The following C4orf54 variants were observed in gnomAD, a reference collection of about 807,000 sequenced individuals.
The protein encoded by C4orf54 is uncharacterized protein C4orf54.
Under a neutral mutation model 80.1 loss-of-function variants are expected in C4orf54, and 67 were observed. The observed-to-expected ratio is 0.84, with a 90% CI of 0.69 to 1.03. The LOEUF is 1.03. Ranked by LOEUF, C4orf54 falls within the 50% of genes least tolerant of loss-of-function variation. C4orf54 has a pLI of 0.00. For missense variants in C4orf54, 2,434 were observed against 2,253.5 expected (o/e 1.08, Z -1.62); for synonymous variants, 1,000 against 917.0 (o/e 1.09, Z -1.64).
rs78351985 is a variant in C4orf54 at position 99,655,532 on chromosome 4, A to G, written c.-31-853T>C. On this transcript the variant is annotated intron_variant, in intron 1 of 2. Coordinates refer to ENST00000511828, the MANE Select transcript of C4orf54 (RefSeq NM_001354435.2). ...AAATACACTTACCCTTCAAGAGTACAGTGCGGCTTGGAGGGAGATTCAGAG... is the reference window on the plus strand; with the variant it reads ...AAATACACTTACCCTTCAAGAGTACGGTGCGGCTTGGAGGGAGATTCAGAG... Among the ~76,000 whole-genome samples the G allele has an allele frequency of 7.1e-4, 108 of 152,364 alleles. 2 individuals carry two copies. In the East Asian group the frequency reaches 0.02, roughly 29 times the overall value.
At chr4:99,642,942 C>G (rs761310368) in intron 2 of C4orf54, among the ~76,000 whole-genome samples, 4 of 152,190 alleles carry the variant, frequency 2.6e-5, no homozygotes, top group Non-Finnish European at 5.9e-5. Flanking sequence ...ACTAGAGTAC[C>G]CTGACACACA....
chr4:99,655,263 A>T (rs1560642741), intron 1 of C4orf54, among the ~76,000 whole-genome samples: 1 of 152,208 alleles, frequency 6.6e-6, no homozygotes, highest in African/African-American at 2.4e-5. Context: ...CAAAGACCTA[A>T]ACTTAACACT....
At position 99,638,166 on chromosome 4, in the gene C4orf54, TATA is replaced by T. The variant is rs1457996978; in HGVS notation, c.*3064_*3066del. The T allele has an allele frequency of 6.6e-6, 1 of 152,158 alleles. No homozygotes were observed. Among genetic ancestry groups the T allele is most frequent in the Non-Finnish European group, 1.5e-5 (1 of 68,004 alleles). The allele number at this position is 152,158 out of a possible 1,614,324, so 9.4% of individuals were successfully genotyped here. On this transcript the variant is annotated 3_prime_UTR_variant, in exon 3 of 3. Transcript: ENST00000511828. Reference sequence around the variant, plus strand: ...ATGCATGTCAATAGTTGAGATTTGTTATAAAGATATAAAGTGTGATTTGCTTTA... The same window carrying T: ...ATGCATGTCAATAGTTGAGATTTGTTAAGATATAAAGTGTGATTTGCTTTA...
At chr4:99,643,407 C>G (rs1726637488) in intron 2 of C4orf54, among the ~76,000 whole-genome samples, 1 of 152,074 alleles carries the variant, frequency 6.6e-6, no homozygotes, top group Non-Finnish European at 1.5e-5. Flanking sequence ...GACTTCAAGG[C>G]ACACGTACTT....
Position 99,653,390 on chromosome 4 carries a change from G to C in C4orf54, c.1259C>G (p.Thr420Ser). 6.5e-7 allele frequency: 1 copy of C among 1,536,298 alleles called. No individual in the cohort carries two copies. Among genetic ancestry groups the C allele is most frequent in the Non-Finnish European group, 8.7e-7 (1 of 1,146,900 alleles). ...GGSDETPGDI[T>S]SLTEEDDDNS... Reference sequence around the variant, plus strand: ...GTCGTCGTCCTCTTCGGTCAGACTGGTGATGTCCCCTGGGGTCTCGTCGCT... The same window carrying C: ...GTCGTCGTCCTCTTCGGTCAGACTGCTGATGTCCCCTGGGGTCTCGTCGCT... The change falls in exon 2 of 3, where the codon ACC becomes AGC. Residue 420 changes from threonine to serine, a missense_variant. Thr to Ser is a moderately conservative substitution (Grantham distance 58). Coordinates refer to ENST00000511828, the MANE Select transcript of C4orf54 (RefSeq NM_001354435.2).
chr4:99,641,481 A>G (rs959232162), intron 2 of C4orf54, among the ~76,000 whole-genome samples: 6 of 152,164 alleles, frequency 3.9e-5, no homozygotes, highest in Non-Finnish European at 8.8e-5. Context: ...GTTCCGTTTC[A>G]TTGAAATCAT....
rs1560636649 is a variant in C4orf54, at chr4:99,649,279, T to C, written c.5370A>G (p.Val1790=). The change falls in exon 2 of 3, where the codon GTA becomes GTG. Residue 1790 remains valine, a synonymous_variant. Coordinates refer to ENST00000511828, the MANE Select transcript of C4orf54 (RefSeq NM_001354435.2). ...SFDGTTMSFV[V]EHR is the part of the protein sequence containing the mutation. ...TGGTGGCTGCTCATCATCTGTGTTCTACCACAAAGCTCATGGTGGTGCCAT... is the reference window on the plus strand; with the variant it reads ...TGGTGGCTGCTCATCATCTGTGTTCCACCACAAAGCTCATGGTGGTGCCAT... The C allele has an allele frequency of 1.3e-6, 2 of 1,521,224 alleles. No homozygotes were observed. Among genetic ancestry groups the C allele is most frequent in the Non-Finnish European group, 1.8e-6 (2 of 1,137,524 alleles). The allele number at this position is 1,521,224 out of a possible 1,614,324, so 94.2% of individuals were successfully genotyped here. A position where few individuals can be genotyped will look rare whatever the true frequency, so the allele number is the denominator to read the frequency against.
chr4:99,643,792 A>ACACACACACACACACACCCC (rs61130907), intron 2 of C4orf54, among the ~76,000 whole-genome samples: 18 of 98,886 alleles, frequency 1.8e-4, no homozygotes, highest in Admixed American at 1.4e-3. Flanking sequence ...ACACACACAC[A>ACACACACACACACACACCCC]CCCCCTCCGC....
Position 99,637,918 on chromosome 4 carries a change from A to G in C4orf54, c.*3315T>C, listed in dbSNP as rs372997064. ...ACATACTTATCATGAGATTATAGTC[A>G]ATCTACTTAGGAATCAATACTGTCC... On this transcript the variant is annotated 3_prime_UTR_variant, in exon 3 of 3. Transcript: ENST00000511828. 11 of 152,174 alleles carry G rather than the reference A, an allele frequency of 7.2e-5. No homozygotes were observed. The highest frequency in any genetic ancestry group is 1.9e-4 in the African/African-American group (8 of 41,458). 9.4% of individuals were successfully genotyped at this position (152,174 alleles called of 1,614,324 possible). A position where few individuals can be genotyped will look rare whatever the true frequency, so the allele number is the denominator to read the frequency against.
At position 99,650,590 on chromosome 4, in the gene C4orf54, A is replaced by G. The variant is rs72908746; in HGVS notation, c.4059T>C (p.Ser1353=). ...GGTTCTCAAAGGCCGCTGCCCTGGC[A>G]GACACACTCTCAGCGCTGGGGTTGG... ...RNSNPSAESV[S]ARAAAFENLA... The change falls in exon 2 of 3, where the codon TCT becomes TCC. Residue 1353 remains serine (S), a synonymous_variant. Transcript: ENST00000511828. The G allele has an allele frequency of 3.8e-3, 5,804 of 1,536,046 alleles. 134 individuals are homozygous for G. In the African/African-American group the frequency reaches 0.059, roughly 16 times the overall value.
Position 99,652,729 on chromosome 4 carries a change from C to G in C4orf54, c.1920G>C (p.Glu640Asp). Residue 640 changes from glutamate to aspartate, a missense_variant, in exon 2 of 3, where the codon GAG (glutamate) becomes GAC (aspartate). Transcript: ENST00000511828. The part of the protein sequence containing the change: ...AFRSLAYPYF[E>D]ALNISSRESS... ...ACTCCCGGGAGCTGATGTTCAGAGC[C>G]TCAAAGTAGGGGTAAGCCAGGCTCC... 2.0e-6 allele frequency: 3 copies of G among 1,536,096 alleles called. No individual in the cohort carries two copies. Among genetic ancestry groups the G allele is most frequent in the Non-Finnish European group, 1.7e-6 (2 of 1,146,888 alleles).
At chr4:99,646,143 A>G (rs929507336) in intron 2 of C4orf54, among the ~76,000 whole-genome samples, 2 of 152,182 alleles carry the variant, frequency 1.3e-5, no homozygotes, top group Admixed American at 1.3e-4. Flanking sequence ...ATTGCAATGT[A>G]GTGCTAAAAA....
Position 99,649,423 on chromosome 4 carries a change from G to A in C4orf54, c.5226C>T (p.Ala1742=). ...GQSPASSTSS[A]PAATSQLLGA... ...CTAGGAGCTGGGATGTGGCTGCTGGGGCTGAGGAGGTTGAGGAGGCCGGAG... is the reference window on the plus strand; with the variant it reads ...CTAGGAGCTGGGATGTGGCTGCTGGAGCTGAGGAGGTTGAGGAGGCCGGAG... The change falls in exon 2 of 3, where the codon GCC becomes GCT. Residue 1742 remains alanine (A), a synonymous_variant. Coordinates refer to ENST00000511828, the MANE Select transcript of C4orf54 (RefSeq NM_001354435.2). 14 of 1,536,150 alleles carry A rather than the reference G, an allele frequency of 9.1e-6. No individual in the cohort carries two copies. Among genetic ancestry groups the A allele is most frequent in the Non-Finnish European group, 1.2e-5 (14 of 1,146,912 alleles).
intron 1 of C4orf54, 57 bp from the exon 2 acceptor site, chr4:99,654,736 G>A (rs1028650887): frequency 7.1e-5 from 44 of 615,782 alleles, no homozygotes; most frequent in Non-Finnish European, 1.1e-4. Context: ...TGTCCATTCC[G>A]TAGTCATATC....
Position 99,653,989 on chromosome 4 carries a change from C to T in C4orf54, c.660G>A (p.Gly220=). The T allele has an allele frequency of 6.5e-7, 1 of 1,536,136 alleles. No individual in the cohort carries two copies. The highest frequency in any genetic ancestry group is 8.7e-7 in the Non-Finnish European group (1 of 1,146,890). Residue 220 remains glycine (G), a synonymous_variant, in exon 2 of 3, where the codon GGG becomes GGA. Transcript: ENST00000511828. ...TTGGGCTCCTAGAGGCCCTCTGACC[C>T]CCAGGGCAGTGCCCCAGGGTAAGTT... The part of the protein sequence containing the change: ...TMKLTLGHCP[G]GQRASRSPKE...
chr4:99,649,255 G>C lies in C4orf54; in HGVS notation c.*12C>G. ...CCAGCAGTTTTTCATTCCGCTTCCT[G>C]GTGGCTGCTCATCATCTGTGTTCTA... On this transcript the variant is annotated 3_prime_UTR_variant, in exon 2 of 3. Transcript: ENST00000511828. 2.0e-6 allele frequency: 3 copies of C among 1,490,934 alleles called. No homozygotes were observed. Among genetic ancestry groups the C allele is most frequent in the East Asian group, 2.5e-5 (1 of 40,210 alleles). The allele number at this position is 1,490,934 out of a possible 1,614,324, so 92.4% of individuals were successfully genotyped here.
chr4:99,643,035 A>C (rs1242768920), intron 2 of C4orf54, among the ~76,000 whole-genome samples: 1 of 152,204 alleles, frequency 6.6e-6, no homozygotes, highest in Non-Finnish European at 1.5e-5. Flanking sequence ...GTTTGGGGAA[A>C]TACAGAGCAA....
rs1726882121 is a variant in C4orf54, at chr4:99,652,956, T to C, written c.1693A>G (p.Ser565Gly). 6.5e-7 allele frequency: 1 copy of C among 1,536,144 alleles called. No individual in the cohort carries two copies. The highest frequency in any genetic ancestry group is 8.7e-7 in the Non-Finnish European group (1 of 1,146,914). The change falls in exon 2 of 3, where the codon AGT (serine) becomes GGT (glycine). Residue 565 changes from serine to glycine, a missense_variant. Coordinates refer to ENST00000511828, the MANE Select transcript of C4orf54 (RefSeq NM_001354435.2). Reference protein sequence around the residue: ...RVSTAAEHNSSSLKQNPAAAV... With the variant: ...RVSTAAEHNSGSLKQNPAAAV... ...GCAGCCGGGTTTTGCTTCAGCGAAC[T>C]TGAATTGTGTTCAGCAGCTGTAGAG...
chr4:99,640,924 G>A lies in C4orf54; in HGVS notation c.*309C>T, dbSNP rs2110247040. 6.6e-6 allele frequency: 1 copy of A among 152,178 alleles called. No individual in the cohort carries two copies. The highest frequency in any genetic ancestry group is 6.5e-5 in the Admixed American group (1 of 15,288). 9.4% of individuals were successfully genotyped at this position (152,178 alleles called of 1,614,324 possible). A position where few individuals can be genotyped will look rare whatever the true frequency, so the allele number is the denominator to read the frequency against. ...AGTCACAAGTACAGGGGGGAAGGAGGTGAATAGAAAGCTTATATCCTGTGT... is the reference window on the plus strand; with the variant it reads ...AGTCACAAGTACAGGGGGGAAGGAGATGAATAGAAAGCTTATATCCTGTGT... On this transcript the variant is annotated 3_prime_UTR_variant, in exon 3 of 3. Transcript: ENST00000511828.
Sources: gnomAD v4.1 joint callset for allele counts (sites outside exome capture counted in the v4.1 genomes callset) on GRCh38, gnomAD v4.1.1 for gene constraint, MANE v1.5 for transcripts, NCBI Gene and HGNC (gene_info 2026-07-23, HGNC 2026-07-21) for gene names.